Variants in AXDND1 observed in about 807,000 individuals in gnomAD.
AXDND1 encodes the protein axonemal dynein light chain domain containing 1.
AXDND1 carries 110 observed loss-of-function variants against 137.5 expected under a neutral mutation model. The observed-to-expected ratio is 0.80, with a 90% CI of 0.69 to 0.94. AXDND1 has a LOEUF of 0.94. AXDND1 is among the 40% of genes least tolerant of loss of function. The pLI is 0.00. For synonymous variants in AXDND1, 414 were observed against 399.7 expected (o/e 1.04, Z -0.43); for missense variants, 1,191 against 1,169.8 (o/e 1.02, Z -0.26).
chr1:179,414,381 T>C (rs1654356613), intron 12 of AXDND1, among the ~76,000 whole-genome samples: 1 of 151,838 alleles, frequency 6.6e-6, no homozygotes, highest in Non-Finnish European at 1.5e-5. Flanking sequence ...TAATCAATAT[T>C]GTATAGATGT....
In AXDND1 at chr1:179,453,291, T is replaced by A. The variant is rs1013033791; in HGVS notation, c.1798+8087T>A. ...TGGAGTTATGAGAAGAGGGCCACTG[T>A]CCTCCAGACCCCAGAATGGTAGATC... On this transcript the variant is annotated intron_variant, in intron 16 of 25. Transcript: ENST00000367618. 2.6e-5 allele frequency: 4 copies of A among 152,346 alleles called. No homozygotes were observed. The East Asian group carries it at 7.7e-4, about 29-fold the overall frequency. The allele number at this position is 152,346 out of a possible 1,614,324, so 9.4% of individuals were successfully genotyped here.
chr1:179,463,585 T>C (rs963470329), intron 16 of AXDND1, among the ~76,000 whole-genome samples: 1 of 152,242 alleles, frequency 6.6e-6, no homozygotes, highest in African/African-American at 2.4e-5. Context: ...CTAAGAAGAA[T>C]GTATATTCTG....
At chr1:179,480,193 G>C (rs1665189421) in intron 17 of AXDND1, among the ~76,000 whole-genome samples, 3 of 152,164 alleles carry the variant, frequency 2.0e-5, no homozygotes, top group Non-Finnish European at 4.4e-5. Context: ...TTCTCATGCT[G>C]CTGATAAAGA....
intron 14 of AXDND1, among the ~76,000 whole-genome samples, chr1:179,431,137 TA>T (rs1558168234): frequency 6.6e-6 from 1 of 152,014 alleles, no homozygotes; most frequent in African/African-American, 2.4e-5. Context: ...TTTCTTTTTT[TA>T]AATTTAATTT....
intron 21 of AXDND1, among the ~76,000 whole-genome samples, chr1:179,512,560 T>A (rs1206004374): frequency 6.6e-6 from 1 of 152,116 alleles, no homozygotes; most frequent in Admixed American, 6.6e-5. Context: ...TATTTTGGTT[T>A]CATATGAATT....
chr1:179,517,310 A>G (rs1369059791), intron 21 of AXDND1, among the ~76,000 whole-genome samples: 1 of 152,162 alleles, frequency 6.6e-6, no homozygotes, highest in Non-Finnish European at 1.5e-5. Context: ...GCCCCTACTA[A>G]CAGCCTTAAG....
At chr1:179,531,071 C>T (rs535482029) in intron 23 of AXDND1, among the ~76,000 whole-genome samples, 10 of 152,212 alleles carry the variant, frequency 6.6e-5, no homozygotes, top group African/African-American at 2.4e-4. Flanking sequence ...ATGGGTGTTG[C>T]TTATTGGTTG....
At chr1:179,486,228 A>C (rs1380351925) in intron 18 of AXDND1, among the ~76,000 whole-genome samples, 2 of 151,934 alleles carry the variant, frequency 1.3e-5, no homozygotes, top group Admixed American at 1.3e-4. Flanking sequence ...GAGGAAAAAA[A>C]TCTCAGAGTT....
At chr1:179,384,945 G>A (rs915134786) in intron 8 of AXDND1, among the ~76,000 whole-genome samples, 2 of 151,856 alleles carry the variant, frequency 1.3e-5, no homozygotes, top group Admixed American at 6.6e-5. Flanking sequence ...TATATTTTTT[G>A]TACAGACAGG....
At chr1:179,475,441 G>T (rs1176113084) in intron 17 of AXDND1, among the ~76,000 whole-genome samples, 1 of 152,254 alleles carries the variant, frequency 6.6e-6, no homozygotes, top group Non-Finnish European at 1.5e-5. Context: ...GCATTAGCAT[G>T]ACCTGGATGT....
chr1:179,516,993 T>C (rs1199944097), intron 21 of AXDND1, among the ~76,000 whole-genome samples: 1 of 152,104 alleles, frequency 6.6e-6, no homozygotes, highest in Non-Finnish European at 1.5e-5. Flanking sequence ...GAGGAACTGG[T>C]GGTGGGCAGA....
chr1:179,489,303 T>C (rs1666574079), intron 18 of AXDND1, among the ~76,000 whole-genome samples: 1 of 152,226 alleles, frequency 6.6e-6, no homozygotes, highest in South Asian at 2.1e-4. Context: ...TAAATTCACC[T>C]ATGATTTATT....
chr1:179,454,670 G>A (rs1661039535), intron 16 of AXDND1: 1 of 152,258 alleles, frequency 6.6e-6, no homozygotes, highest in African/African-American at 2.4e-5. Flanking sequence ...GAATACAGGA[G>A]AAGGAAAAGT....
intron 11 of AXDND1, 89 bp from the exon 12 acceptor site, chr1:179,411,057 A>G (rs530187377): frequency 1.9e-6 from 2 of 1,077,392 alleles, no homozygotes; most frequent in Non-Finnish European, 2.6e-6. Context: ...CACATTACCT[A>G]TTTTAAAACA....
At chr1:179,486,386 A>C (rs940747791) in intron 18 of AXDND1, among the ~76,000 whole-genome samples, 3 of 152,190 alleles carry the variant, frequency 2.0e-5, no homozygotes, top group African/African-American at 7.2e-5. Flanking sequence ...AGTGAAACCA[A>C]GCAATTTGGA....
chr1:179,447,577 TGAA>T lies in AXDND1; in HGVS notation c.1798+2377_1798+2379del. Reference sequence around the variant, plus strand: ...AAATACATGTTTTAAAGAATGAAGTTGAAGAAAGGTTCAACTTACTAGTGGAGG... The same window carrying T: ...AAATACATGTTTTAAAGAATGAAGTTGAAAGGTTCAACTTACTAGTGGAGG... On this transcript the variant is annotated intron_variant, in intron 16 of 25. Transcript: ENST00000367618. 5.0e-6 allele frequency: 5 copies of T among 1,006,672 alleles called. No homozygotes were observed. The South Asian group carries it at 7.4e-5, about 15-fold the overall frequency. The allele number at this position is 1,006,672 out of a possible 1,614,324, so 62.4% of individuals were successfully genotyped here.
In AXDND1 at chr1:179,411,194, G is replaced by A; in HGVS notation, c.1158G>A (p.Met386Ile). Residue 386 changes from methionine to isoleucine, a missense_variant, in exon 12 of 26, where the codon ATG (methionine) becomes ATA (isoleucine). Transcript: ENST00000367618. ...TATATACATTACAAAGAGAAAGGATGGAGAATGATATGAAAAAGTTAGTGG... is the reference window on the plus strand; with the variant it reads ...TATATACATTACAAAGAGAAAGGATAGAGAATGATATGAAAAAGTTAGTGG... The part of the protein sequence containing the change: ...HDLYTLQRER[M>I]ENDMKKLVAE... The A allele has an allele frequency of 6.2e-7, 1 of 1,612,112 alleles. No individual in the cohort carries two copies. The highest frequency in any genetic ancestry group is 8.5e-7 in the Non-Finnish European group (1 of 1,179,142).
At chr1:179,398,530 T>C (rs773156626) in intron 11 of AXDND1, among the ~76,000 whole-genome samples, 26 of 152,098 alleles carry the variant, frequency 1.7e-4, no homozygotes, top group Non-Finnish European at 3.4e-4. Context: ...CTGCAACAGG[T>C]GCTGGGGTGC....
At chr1:179,406,303 T>C (rs370908493) in intron 11 of AXDND1, among the ~76,000 whole-genome samples, 26 of 152,352 alleles carry the variant, frequency 1.7e-4, no homozygotes, top group African/African-American at 5.3e-4. Flanking sequence ...GAATGTTCCA[T>C]GTGCTGATGA....
Sources: gnomAD v4.1 joint callset for allele counts (sites outside exome capture counted in the v4.1 genomes callset) on GRCh38, gnomAD v4.1.1 for gene constraint, MANE v1.5 for transcripts, NCBI Gene and HGNC (gene_info 2026-07-23, HGNC 2026-07-21) for gene names.